Variants in LMOD1 observed in about 807,000 individuals in gnomAD.
The protein encoded by LMOD1 is leiomodin 1, also known as leiomodin-1.
A neutral mutation model predicts 36.5 loss-of-function variants in LMOD1; 8 were observed. That is an observed-to-expected ratio of 0.22 (90% CI 0.13 to 0.40). The LOEUF is 0.40. Ranked by LOEUF, LMOD1 falls within the 10% of genes least tolerant of loss-of-function variation. The pLI, the probability that LMOD1 is intolerant of heterozygous loss-of-function variation, is 1.00. For synonymous variants in LMOD1, 284 were observed against 288.7 expected (o/e 0.98, Z 0.17); for missense variants, 630 against 751.1 (o/e 0.84, Z 1.88).
chr1:201,944,849 T>C (rs745338988), intron 1 of LMOD1, among the ~76,000 whole-genome samples: 4 of 152,126 alleles, frequency 2.6e-5, no homozygotes, highest in Non-Finnish European at 4.4e-5. Context: ...TGTCCACCAA[T>C]ATGCTCTGTG....
chr1:201,928,649 T>C (rs1681868088), intron 1 of LMOD1, among the ~76,000 whole-genome samples: 2 of 152,248 alleles, frequency 1.3e-5, no homozygotes, highest in South Asian at 2.1e-4. Flanking sequence ...AGATATTTTA[T>C]GGAAGAATCC....
chr1:201,930,370 G>A (rs997980879), intron 1 of LMOD1, among the ~76,000 whole-genome samples: 2 of 152,084 alleles, frequency 1.3e-5, no homozygotes, highest in African/African-American at 4.8e-5. Context: ...GTTGAATTGC[G>A]AGGAGGGGCA....
chr1:201,916,754 G>A (rs1036063498), intron 1 of LMOD1, among the ~76,000 whole-genome samples: 2 of 152,110 alleles, frequency 1.3e-5, no homozygotes, highest in East Asian at 1.9e-4. Context: ...GACCTGCCTC[G>A]CAGCCTGACC....
At chr1:201,915,116 G>T (rs1012894923) in intron 1 of LMOD1, among the ~76,000 whole-genome samples, 6 of 152,200 alleles carry the variant, frequency 3.9e-5, no homozygotes, top group Admixed American at 6.5e-5. Flanking sequence ...TGCGTGGGAA[G>T]CATCTGGCGC....
rs999995718 is a variant in LMOD1 at position 201,897,288 on chromosome 1, T to C, written c.*1084A>G. On this transcript the variant is annotated 3_prime_UTR_variant, in exon 3 of 3. Coordinates refer to ENST00000367288, the MANE Select transcript of LMOD1 (RefSeq NM_012134.3). Reference sequence around the variant, plus strand: ...CTGAGCCCATGGTTAGGCAGAGTCATGGAATGAGCATCCCTGAACATGCCT... The same window carrying C: ...CTGAGCCCATGGTTAGGCAGAGTCACGGAATGAGCATCCCTGAACATGCCT... 1 of 169,682 alleles carries C rather than the reference T, an allele frequency of 5.9e-6. No individual in the cohort carries two copies. The highest frequency in any genetic ancestry group is 1.6e-4 in the East Asian group (1 of 6,332). 10.5% of individuals were successfully genotyped at this position (169,682 alleles called of 1,614,324 possible). A position where few individuals can be genotyped will look rare whatever the true frequency, so the allele number is the denominator to read the frequency against.
intron 1 of LMOD1, among the ~76,000 whole-genome samples, chr1:201,939,679 C>A (rs191803415): frequency 1.4e-4 from 22 of 152,246 alleles, no homozygotes; most frequent in African/African-American, 5.1e-4. Context: ...TCCTGTTTAT[C>A]CAACTTGGCA....
chr1:201,919,646 T>C (rs1343748573), intron 1 of LMOD1, among the ~76,000 whole-genome samples: 1 of 152,230 alleles, frequency 6.6e-6, no homozygotes, highest in Non-Finnish European at 1.5e-5. Flanking sequence ...AGGCTGCTTT[T>C]CTGTGGGCTA....
intron 1 of LMOD1, among the ~76,000 whole-genome samples, chr1:201,926,853 C>CA (rs1044610859): frequency 6.6e-6 from 1 of 151,938 alleles, no homozygotes; most frequent in African/African-American, 2.4e-5. Flanking sequence ...CCTGTCTCTA[C>CA]AAAAAATACA....
Position 201,900,494 on chromosome 1 carries a change from C to T in LMOD1, c.519G>A (p.Gly173=), listed in dbSNP as rs765011954. ...VRAAVDKKEA[G]KDGRGEERAV... is the part of the protein sequence containing the mutation. ...CCCTCTCCTCTCCTCTCCCATCCTT[C>T]CCTGCCTCCTTCTTATCCACTGCAG... is the stretch of plus-strand genomic sequence containing the variant. The change falls in exon 2 of 3, where the codon GGG becomes GGA. Residue 173 remains glycine, a synonymous_variant. Transcript: ENST00000367288. 2 of 1,613,792 alleles carry T rather than the reference C, an allele frequency of 1.2e-6. No individual in the cohort carries two copies. The highest frequency in any genetic ancestry group is 1.3e-5 in the African/African-American group (1 of 74,996).
At chr1:201,921,965 A>AAAAAG (rs1681713978) in intron 1 of LMOD1, among the ~76,000 whole-genome samples, 1 of 152,152 alleles carries the variant, frequency 6.6e-6, no homozygotes, top group African/African-American at 2.4e-5. Flanking sequence ...ATCTCAAAAA[A>AAAAAG]AAAAAGAAAA....
rs930593759 is a variant in LMOD1, at chr1:201,946,403, G to T, written c.-63C>A. ...AGTCCTGGTGGGCAGGGAAGGGAGA[G>T]GGGTGAGCTGATCTGGATGCAGCGA... On this transcript the variant is annotated 5_prime_UTR_variant, in exon 1 of 3. Coordinates refer to ENST00000367288, the MANE Select transcript of LMOD1 (RefSeq NM_012134.3). 3 of 1,558,046 alleles carry T rather than the reference G, an allele frequency of 1.9e-6. No individual in the cohort carries two copies. In the South Asian group the frequency reaches 3.6e-5, roughly 19 times the overall value.
intron 1 of LMOD1, among the ~76,000 whole-genome samples, chr1:201,945,572 C>T (rs1682196650): frequency 6.6e-6 from 1 of 152,184 alleles, no homozygotes; most frequent in Non-Finnish European, 1.5e-5. Flanking sequence ...AACTCATTTA[C>T]CCCCAAGCCT....
chr1:201,901,259 C>T (rs1457865228), intron 1 of LMOD1, among the ~76,000 whole-genome samples: 3 of 151,750 alleles, frequency 2.0e-5, no homozygotes, highest in African/African-American at 4.8e-5. Flanking sequence ...AATCCCAACA[C>T]TTTGGGAGGC....
intron 1 of LMOD1, among the ~76,000 whole-genome samples, chr1:201,931,153 C>T (rs953319761): frequency 2.6e-5 from 4 of 152,076 alleles, no homozygotes; most frequent in Non-Finnish European, 5.9e-5. Context: ...GAGCAAAGGT[C>T]GTGTGGAGGC....
rs193167310 is a variant in LMOD1, at chr1:201,940,249, C to T, written c.261+5831G>A. The stretch of plus-strand genomic sequence containing the variant: ...GTTGCCAGGCTGGAGTACAGCGGCA[C>T]GATCTCGGCTCACTGCAACCTCCAT... On this transcript the variant is annotated intron_variant, in intron 1 of 2. Coordinates refer to ENST00000367288, the MANE Select transcript of LMOD1 (RefSeq NM_012134.3). Among the ~76,000 whole-genome samples, 7 of 148,770 alleles carry T rather than the reference C, an allele frequency of 4.7e-5. No homozygotes were observed. The Admixed American group carries it at 4.7e-4, about 10-fold the overall frequency.
chr1:201,928,600 C>T (rs1023765268), intron 1 of LMOD1, among the ~76,000 whole-genome samples: 5 of 152,202 alleles, frequency 3.3e-5, no homozygotes, highest in Non-Finnish European at 5.9e-5. Flanking sequence ...AGCTGTATTA[C>T]TTTTCCTAGA....
intron 1 of LMOD1, among the ~76,000 whole-genome samples, chr1:201,939,727 T>C (rs1682081888): frequency 6.6e-6 from 1 of 151,824 alleles, no homozygotes; most frequent in African/African-American, 2.4e-5. Flanking sequence ...CTGTCCCCCA[T>C]GCATGGCGCT....
intron 1 of LMOD1, among the ~76,000 whole-genome samples, chr1:201,933,071 A>G (rs1210315674): frequency 6.6e-6 from 1 of 152,196 alleles, no homozygotes; most frequent in African/African-American, 2.4e-5. Flanking sequence ...AAATGAATAA[A>G]TAAACTGTGG....
intron 1 of LMOD1, 53 bp downstream of exon 1, chr1:201,946,027 G>T: frequency 1.3e-6 from 2 of 1,562,564 alleles, no homozygotes; most frequent in Non-Finnish European, 8.7e-7. Flanking sequence ...TGAAGCCAGG[G>T]TCTCCAGCCC....
Sources: allele counts gnomAD v4.1 joint callset (sites outside exome capture counted in the v4.1 genomes callset), GRCh38; gene constraint gnomAD v4.1.1; transcripts MANE v1.5; gene names NCBI Gene and HGNC (gene_info 2026-07-23, HGNC 2026-07-21).